The following SPATA18 variants were observed in gnomAD, a reference collection of about 807,000 sequenced individuals.
SPATA18 encodes mitochondria-eating protein.
SPATA18 carries 54 observed loss-of-function variants against 68.1 expected under a neutral mutation model. The ratio of observed to expected loss-of-function variants is 0.79; its 90% CI spans 0.64 to 0.99. The LOEUF (loss-of-function observed/expected upper bound fraction) is 0.99, where lower values mean the gene tolerates loss of function less well. SPATA18 is among the 50% of genes least tolerant of loss of function. SPATA18 has a pLI of 0.00. For synonymous variants in SPATA18, 242 were observed against 244.8 expected (o/e 0.99, Z 0.11); for missense variants, 724 against 681.1 (o/e 1.06, Z -0.70).
At chr4:52,072,494 T>C (rs1739949094) in intron 6 of SPATA18, among the ~76,000 whole-genome samples, 1 of 152,030 alleles carries the variant, frequency 6.6e-6, no homozygotes, top group Admixed American at 6.5e-5. Context: ...CCTCTGCCTC[T>C]TGGGTTCAAG....
In SPATA18 at chr4:52,072,159, C is replaced by T. The variant is rs1399639745; in HGVS notation, c.758+3C>T. On this transcript the variant is annotated splice_donor_region_variant and intron_variant, in intron 6 of 12. Transcript: ENST00000295213. ...GAGAAAAGTGCACTCCAAGGAAGGT[C>T]AGACAAACTCTCAAAGATCTTCTCA... 1.2e-6 allele frequency: 2 copies of T among 1,613,372 alleles called. No individual in the cohort carries two copies. Among genetic ancestry groups the T allele is most frequent in the Non-Finnish European group, 1.7e-6 (2 of 1,179,774 alleles).
chr4:52,078,595 T>A (rs1740615960), intron 7 of SPATA18, 140 bp from the exon 8 acceptor site: 2 of 657,584 alleles, frequency 3.0e-6, no homozygotes, highest in Admixed American at 3.3e-5. Context: ...TCTTCCAGAC[T>A]AAAAATGTTT....
At position 52,076,832 on chromosome 4, in the gene SPATA18, G is replaced by A. The variant is rs544592085; in HGVS notation, c.812G>A (p.Arg271His). Residue 271 changes from arginine to histidine, a missense_variant, in exon 7 of 13, where the codon CGC (arginine) becomes CAC (histidine). Coordinates refer to ENST00000295213, the MANE Select transcript of SPATA18 (RefSeq NM_145263.4). ...GCCCCTCGCAGCCGTAGCTGCAGCC[G>A]CAGCAGATCTGCCAGCCCCTCCACC... ...SPAPRSRSCS[R>H]SRSASPSTAV... The A allele has an allele frequency of 2.5e-6, 4 of 1,614,080 alleles. No individual in the cohort carries two copies. Among genetic ancestry groups the A allele is most frequent in the South Asian group, 2.2e-5 (2 of 91,064 alleles).
intron 10 of SPATA18, chr4:52,082,951 T>C (rs530555600): frequency 2.0e-6 from 2 of 985,298 alleles, no homozygotes; most frequent in African/African-American, 1.7e-5. Context: ...CTTGGTATGA[T>C]GTGTATGGAG....
At chr4:52,054,498 A>G (rs1400775515) in intron 1 of SPATA18, among the ~76,000 whole-genome samples, 1 of 152,218 alleles carries the variant, frequency 6.6e-6, no homozygotes, top group Non-Finnish European at 1.5e-5. Flanking sequence ...TACATATTCA[A>G]CAGGTAATAT....
chr4:52,051,710 G>A lies in SPATA18; in HGVS notation c.6G>A (p.Ala2=), dbSNP rs1737886230. 6.2e-7 allele frequency: 1 copy of A among 1,614,096 alleles called. No homozygotes were observed. Among genetic ancestry groups the A allele is most frequent in the African/African-American group, 1.3e-5 (1 of 74,940 alleles). Residue 2 remains alanine (A), a synonymous_variant, in exon 1 of 13, where the codon GCG becomes GCA. Transcript: ENST00000295213. ...GCCGAGAGGAATAGTGAGCGATGGC[G>A]GAAAACCTGAAAAGACTGGTCTCAA... M[A]ENLKRLVSNE... is the part of the protein sequence containing the mutation.
chr4:52,083,569 A>AC (rs1741137502), intron 10 of SPATA18: 1 of 716,300 alleles, frequency 1.4e-6, no homozygotes, highest in African/African-American at 1.9e-5. Context: ...ACATAGCGAG[A>AC]CCTCATCTCT....
At chr4:52,052,611 G>C (rs1168608464) in intron 1 of SPATA18, among the ~76,000 whole-genome samples, 2 of 152,120 alleles carry the variant, frequency 1.3e-5, no homozygotes, top group Non-Finnish European at 2.9e-5. Context: ...CCGGAAATTA[G>C]CCCCCCCTTG....
chr4:52,087,689 G>A (rs1184686110), intron 11 of SPATA18, among the ~76,000 whole-genome samples: 1 of 152,116 alleles, frequency 6.6e-6, no homozygotes, highest in African/African-American at 2.4e-5. Flanking sequence ...AGTATAGTTT[G>A]AAGTCAGGTA....
chr4:52,058,740 A>G (rs571096290), intron 1 of SPATA18, among the ~76,000 whole-genome samples: 91 of 152,260 alleles, frequency 6.0e-4, no homozygotes, highest in Non-Finnish European at 1.0e-3. Context: ...CCCAGCAAGA[A>G]TCATGATCTA....
At chr4:52,091,497 G>A (rs776422777) in intron 11 of SPATA18, among the ~76,000 whole-genome samples, 66 of 152,146 alleles carry the variant, frequency 4.3e-4, no homozygotes, top group Non-Finnish European at 1.3e-4. Flanking sequence ...AATCCTTTCT[G>A]TTTGTTTCTT....
chr4:52,074,512 C>T (rs1740149314), intron 6 of SPATA18, among the ~76,000 whole-genome samples: 2 of 152,048 alleles, frequency 1.3e-5, no homozygotes, highest in Non-Finnish European at 2.9e-5. Context: ...ATATAAGTGG[C>T]ATGATGGTTT....
intron 2 of SPATA18, 28 bp from the exon 3 acceptor site, chr4:52,060,754 C>G (rs746094784): frequency 6.3e-7 from 1 of 1,584,344 alleles, no homozygotes; most frequent in Non-Finnish European, 8.7e-7. Flanking sequence ...GTGTGCTGCA[C>G]CCATTAACTC....
intron 9 of SPATA18, among the ~76,000 whole-genome samples, chr4:52,082,092 A>AAGTTTCTGTCGAT (rs1222439534): frequency 1.3e-5 from 2 of 152,082 alleles, no homozygotes; most frequent in Non-Finnish European, 2.9e-5. Context: ...GCCTGATGGG[A>AAGTTTCTGTCGAT]CTTCAGATGC....
intron 11 of SPATA18, among the ~76,000 whole-genome samples, chr4:52,093,197 A>C (rs1480868305): frequency 6.6e-6 from 1 of 152,228 alleles, no homozygotes; most frequent in African/African-American, 2.4e-5. Flanking sequence ...GATTAGCTGA[A>C]TGTGATACAG....
chr4:52,054,424 G>A (rs948446847), intron 1 of SPATA18, among the ~76,000 whole-genome samples: 1 of 152,170 alleles, frequency 6.6e-6, no homozygotes, highest in African/African-American at 2.4e-5. Context: ...TGAAACCAGA[G>A]GCAGGCACTT....
intron 1 of SPATA18, among the ~76,000 whole-genome samples, chr4:52,054,949 A>G (rs1408063518): frequency 1.3e-5 from 2 of 151,948 alleles, no homozygotes; most frequent in Non-Finnish European, 2.9e-5. Flanking sequence ...CTTGCCTGGC[A>G]TGACCTTAGG....
At chr4:52,053,041 A>G (rs1738034563) in intron 1 of SPATA18, among the ~76,000 whole-genome samples, 1 of 152,198 alleles carries the variant, frequency 6.6e-6, no homozygotes, top group African/African-American at 2.4e-5. Context: ...AAAAGTACCT[A>G]CTACTTAGTC....
intron 5 of SPATA18, 81 bp from the exon 6 acceptor site, chr4:52,071,836 T>G: frequency 7.1e-7 from 1 of 1,412,502 alleles, no homozygotes; most frequent in East Asian, 2.4e-5. Context: ...TGCCAATTGC[T>G]GCTTATTACC....
Sources: allele counts gnomAD v4.1 joint callset (sites outside exome capture counted in the v4.1 genomes callset), GRCh38; gene constraint gnomAD v4.1.1; transcripts MANE v1.5; gene names NCBI Gene and HGNC (gene_info 2026-07-23, HGNC 2026-07-21).